CDK1: variants seen among roughly 807,000 people sequenced by gnomAD.
The protein encoded by CDK1 is cyclin dependent kinase 1.
In CDK1, 5 loss-of-function variants were observed where a neutral mutation model predicts 34.6. The ratio of observed to expected loss-of-function variants is 0.14; its 90% CI spans 0.08 to 0.30. The LOEUF is 0.30. CDK1 is among the 10% of genes least tolerant of loss of function. The probability of loss-of-function intolerance (pLI) is 1.00; values close to 1 mark genes in which losing one functional copy is unlikely to be tolerated. For synonymous variants in CDK1, 108 were observed against 114.7 expected (o/e 0.94, Z 0.37); for missense variants, 157 against 345.7 (o/e 0.45, Z 4.33).
At chr10:60,790,923 A>G (rs934967240) in intron 5 of CDK1, among the ~76,000 whole-genome samples, 1 of 152,156 alleles carries the variant, frequency 6.6e-6, no homozygotes. Flanking sequence ...TGTTTCGGTT[A>G]CTATAGCTTT....
chr10:60,793,245 A>C (rs2080373605), intron 7 of CDK1, among the ~76,000 whole-genome samples: 1 of 152,084 alleles, frequency 6.6e-6, no homozygotes, highest in Admixed American at 6.6e-5. Flanking sequence ...TGGTTACATG[A>C]GAGTTCAGAT....
rs935481280 is a variant in CDK1, at chr10:60,785,679, T to G, written c.210T>G (p.Leu70=). 2.5e-6 allele frequency: 4 copies of G among 1,604,694 alleles called. No homozygotes were observed. The African/African-American group carries it at 4.0e-5, about 16-fold the overall frequency. ...HPNIVSLQDV[L]MQDSRLYLIF... is the part of the protein sequence containing the mutation. Reference sequence around the variant, plus strand: ...TTTTCCCCAGTCTTCAGGATGTGCTTATGCAGGATTCCAGGTTATATCTCA... The same window carrying G: ...TTTTCCCCAGTCTTCAGGATGTGCTGATGCAGGATTCCAGGTTATATCTCA... The change falls in exon 4 of 8, where the codon CTT becomes CTG. Residue 70 remains leucine (L), a synonymous_variant. Coordinates refer to ENST00000395284, the MANE Select transcript of CDK1 (RefSeq NM_001786.5).
Position 60,786,197 on chromosome 10 carries a change from AGTTTT to A in CDK1, c.318+411_318+415del, listed in dbSNP as rs530055759. On this transcript the variant is annotated intron_variant, in intron 4 of 7. Coordinates refer to ENST00000395284, the MANE Select transcript of CDK1 (RefSeq NM_001786.5). ...TTTCAGGTAAATTATAAAATTGTAT[AGTTTT>A]AAGTACTGAAGTATATAAAAGTGTC... 514 of 895,772 alleles carry A rather than the reference AGTTTT, an allele frequency of 5.7e-4. 1 individual carries two copies. In the African/African-American group the frequency reaches 8.5e-3, roughly 15 times the overall value. The allele number at this position is 895,772 out of a possible 1,614,324, so 55.5% of individuals were successfully genotyped here. A position where few individuals can be genotyped will look rare whatever the true frequency, so the allele number is the denominator to read the frequency against.
At chr10:60,787,115 ATGGTTTTACT>A (rs1422729233) in intron 4 of CDK1, 3 of 971,194 alleles carry the variant, frequency 3.1e-6, no homozygotes, top group Non-Finnish European at 3.7e-6. Flanking sequence ...ACAGGCAACA[ATGGTTTTACT>A]TACAATTTTT....
chr10:60,794,787 A>C lies in CDK1; in HGVS notation c.*812A>C, dbSNP rs1172508472. The stretch of plus-strand genomic sequence containing the variant: ...ACATAGTGTTTATTAGCAGCCATCT[A>C]AAAAGGCTCTAATGTATATTTAACT... On this transcript the variant is annotated 3_prime_UTR_variant, in exon 8 of 8. Transcript: ENST00000395284. 1 of 152,132 alleles carries C rather than the reference A, an allele frequency of 6.6e-6. No individual in the cohort carries two copies. The highest frequency in any genetic ancestry group is 2.4e-5 in the African/African-American group (1 of 41,456). The allele number at this position is 152,132 out of a possible 1,614,324, so 9.4% of individuals were successfully genotyped here.
chr10:60,793,801 G>A, intron 7 of CDK1, 76 bp from the exon 8 acceptor site: 1 of 738,712 alleles, frequency 1.4e-6, no homozygotes, highest in Non-Finnish European at 2.3e-6. Context: ...TGCTAGAAAA[G>A]TTGAGGTTTT....
intron 4 of CDK1, chr10:60,786,370 T>C: frequency 7.6e-6 from 6 of 793,546 alleles, no homozygotes; most frequent in Non-Finnish European, 9.2e-6. Context: ...TTTGCATATG[T>C]ATATATACAT....
At chr10:60,788,289 C>A in intron 5 of CDK1, 59 bp downstream of exon 5, 1 of 1,181,078 alleles carries the variant, frequency 8.5e-7, no homozygotes, top group Non-Finnish European at 1.2e-6. Flanking sequence ...AGATTATTTT[C>A]TGTATTTGTG....
chr10:60,782,911 T>C (rs2080284773), intron 2 of CDK1, among the ~76,000 whole-genome samples: 1 of 152,198 alleles, frequency 6.6e-6, no homozygotes, highest in Non-Finnish European at 1.5e-5. Context: ...TTCAACACAT[T>C]GAGTGTTGGC....
At chr10:60,788,942 G>T (rs2080336785) in intron 5 of CDK1, among the ~76,000 whole-genome samples, 1 of 152,036 alleles carries the variant, frequency 6.6e-6, no homozygotes, top group Non-Finnish European at 1.5e-5. Context: ...AATAAACTAA[G>T]ATTATTTTGT....
intron 3 of CDK1, 110 bp from the exon 4 acceptor site, chr10:60,785,554 C>G (rs1589111761): frequency 1.5e-6 from 1 of 675,170 alleles, no homozygotes. Flanking sequence ...GCTACTACGT[C>G]TTCCCCAGTT....
At chr10:60,786,924 G>A (rs3213053) in intron 4 of CDK1, 4 of 982,082 alleles carry the variant, frequency 4.1e-6, no homozygotes, top group Admixed American at 6.2e-5. Context: ...CTCAAAGATC[G>A]AATGTATTAG....
intron 2 of CDK1, among the ~76,000 whole-genome samples, chr10:60,781,417 TAAA>T (rs543834280): frequency 8.1e-4 from 123 of 152,318 alleles, no homozygotes; most frequent in African/African-American, 2.8e-3. Context: ...GTGACAGTGG[TAAA>T]CCCTCTTAAC....
In CDK1 at chr10:60,792,138, T is replaced by C; in HGVS notation, c.654-10T>C. ...ATGCTTTAAGAAATTTTTAATTTCCTGTTTTTTAGAGCTTTGGGCACTCCC... is the reference window on the plus strand; with the variant it reads ...ATGCTTTAAGAAATTTTTAATTTCCCGTTTTTTAGAGCTTTGGGCACTCCC... On this transcript the variant is annotated splice_polypyrimidine_tract_variant and intron_variant, in intron 6 of 7. Coordinates refer to ENST00000395284, the MANE Select transcript of CDK1 (RefSeq NM_001786.5). 1 of 1,601,716 alleles carries C rather than the reference T, an allele frequency of 6.2e-7. No individual in the cohort carries two copies. Among genetic ancestry groups the C allele is most frequent in the Middle Eastern group, 1.7e-4 (1 of 5,960 alleles).
At position 60,783,163 on chromosome 10, in the gene CDK1, G is replaced by A. The variant is rs3213039; in HGVS notation, c.38-1542G>A. 2.1e-3 allele frequency among the ~76,000 whole-genome samples: 321 copies of A among 152,210 alleles called. 1 individual carries two copies. The highest frequency in any genetic ancestry group is 0.01 in the Middle Eastern group (3 of 292). On this transcript the variant is annotated intron_variant, in intron 2 of 7. Coordinates refer to ENST00000395284, the MANE Select transcript of CDK1 (RefSeq NM_001786.5). Reference sequence around the variant, plus strand: ...CTGAATTTACATCCAAAAAAATGTAGATTTTAAGTATATGAAGGTTGCCTA... The same window carrying A: ...CTGAATTTACATCCAAAAAAATGTAAATTTTAAGTATATGAAGGTTGCCTA...
At chr10:60,782,200 T>C (rs1006184975) in intron 2 of CDK1, among the ~76,000 whole-genome samples, 1 of 152,242 alleles carries the variant, frequency 6.6e-6, no homozygotes, top group Non-Finnish European at 1.5e-5. Flanking sequence ...ATTTATGCAA[T>C]GAACTTGTAA....
intron 2 of CDK1, among the ~76,000 whole-genome samples, chr10:60,781,662 G>A (rs1036789095): frequency 1.3e-5 from 2 of 152,104 alleles, no homozygotes; most frequent in African/African-American, 2.4e-5. Context: ...GGATTTCTTT[G>A]ATGTCCTCAA....
At chr10:60,782,554 G>A (rs908488636) in intron 2 of CDK1, among the ~76,000 whole-genome samples, 48 of 152,104 alleles carry the variant, frequency 3.2e-4, no homozygotes, top group African/African-American at 1.1e-3. Flanking sequence ...CATTTAGTAG[G>A]CATTTGATAA....
At chr10:60,780,365 T>C (rs1249545601) in intron 2 of CDK1, among the ~76,000 whole-genome samples, 163 bp downstream of exon 2, 1 of 152,198 alleles carries the variant, frequency 6.6e-6, no homozygotes, top group Non-Finnish European at 1.5e-5. Flanking sequence ...GCAAATTTGC[T>C]CACATTTCAA....
Sources: allele counts gnomAD v4.1 joint callset (sites outside exome capture counted in the v4.1 genomes callset), GRCh38; gene constraint gnomAD v4.1.1; transcripts MANE v1.5; gene names NCBI Gene and HGNC (gene_info 2026-07-23, HGNC 2026-07-21).